The following WDPCP variants were observed in gnomAD, a reference collection of about 807,000 sequenced individuals.
WDPCP encodes WD repeat-containing and planar cell polarity effector protein fritz homolog.
A neutral mutation model predicts 93.1 loss-of-function variants in WDPCP; 71 were observed. The observed-to-expected ratio is 0.76, with a 90% CI of 0.63 to 0.93. WDPCP has a LOEUF of 0.93. Ranked by LOEUF, WDPCP falls within the 40% of genes least tolerant of loss-of-function variation. The probability of loss-of-function intolerance (pLI) is 0.00; values close to 1 mark genes in which losing one functional copy is unlikely to be tolerated. For synonymous variants in WDPCP, 315 were observed against 315.0 expected, an observed-to-expected ratio of 1.00 and a Z score of 0.00; for missense variants, 844 against 887.4, an observed-to-expected ratio of 0.95 and a Z score of 0.62.
chr2:63,231,776 A>G (rs532680447), intron 14 of WDPCP, among the ~76,000 whole-genome samples: 2 of 152,316 alleles, frequency 1.3e-5, no homozygotes, highest in South Asian at 4.1e-4. Flanking sequence ...TATAGATTCA[A>G]TGCCATCCCC....
At chr2:63,384,454 ATTATT>A (rs1692565988) in intron 10 of WDPCP, among the ~76,000 whole-genome samples, 2 of 152,278 alleles carry the variant, frequency 1.3e-5, no homozygotes, top group South Asian at 4.1e-4. Flanking sequence ...ATGGCTCTAT[ATTATT>A]TAAGTTTGAA....
At chr2:63,688,283 C>T (rs1382923214) in intron 2 of WDPCP, among the ~76,000 whole-genome samples, 1 of 151,910 alleles carries the variant, frequency 6.6e-6, no homozygotes, top group African/African-American at 2.4e-5. Flanking sequence ...AAAAATTAGC[C>T]GGGCGTGGTG....
intron 9 of WDPCP, among the ~76,000 whole-genome samples, chr2:63,423,881 C>T (rs1696051983): frequency 6.6e-6 from 1 of 152,064 alleles, no homozygotes; most frequent in Admixed American, 6.6e-5. Flanking sequence ...ACAGCCAGGA[C>T]GTACCTCTAC....
At chr2:63,177,398 T>G (rs1237735044) in intron 14 of WDPCP, among the ~76,000 whole-genome samples, 2 of 152,220 alleles carry the variant, frequency 1.3e-5, no homozygotes, top group Admixed American at 1.3e-4. Flanking sequence ...TTCAATTTAT[T>G]TGTGTCTTTA....
chr2:63,639,792 T>C (rs1709961162), intron 3 of WDPCP, among the ~76,000 whole-genome samples: 1 of 151,986 alleles, frequency 6.6e-6, no homozygotes, highest in African/African-American at 2.4e-5. Context: ...AAATAAAAAA[T>C]AGTGACAAAA....
At chr2:63,839,354 T>C in the WDPCP span, among the ~76,000 whole-genome samples, 1 of 152,090 alleles carries the variant, frequency 6.6e-6, no homozygotes, top group Non-Finnish European at 1.5e-5. Flanking sequence ...GGTCAGGGGT[T>C]TGAGACCAGC....
intron 2 of WDPCP, among the ~76,000 whole-genome samples, chr2:63,699,428 C>G (rs1669013004): frequency 6.6e-6 from 1 of 152,166 alleles, no homozygotes; most frequent in Admixed American, 6.5e-5. Flanking sequence ...CTAAAAAGAA[C>G]TATGTGATAA....
chr2:63,564,259 C>A (rs1055354603), intron 1 of WDPCP: 1 of 152,186 alleles, frequency 6.6e-6, no homozygotes, highest in Non-Finnish European at 1.5e-5. Context: ...CAAGTTCAGC[C>A]TGGTTAACTT....
chr2:63,281,830 G>A (rs1355940819), intron 13 of WDPCP, among the ~76,000 whole-genome samples: 3 of 152,142 alleles, frequency 2.0e-5, no homozygotes, highest in African/African-American at 7.2e-5. Flanking sequence ...AGAGAAAATG[G>A]TGGGGGTGCG....
chr2:63,422,249 G>T (rs956479218), intron 9 of WDPCP, among the ~76,000 whole-genome samples: 1 of 152,130 alleles, frequency 6.6e-6, no homozygotes, highest in African/African-American at 2.4e-5. Flanking sequence ...AGCTACCCAA[G>T]ACTGCTGAGG....
At chr2:63,298,887 G>A (rs984193081) in intron 13 of WDPCP, among the ~76,000 whole-genome samples, 1 of 152,172 alleles carries the variant, frequency 6.6e-6, no homozygotes, top group Non-Finnish European at 1.5e-5. Context: ...ATATCATAGT[G>A]GTAGTCCTCA....
At chr2:63,296,962 A>G (rs1684915489) in intron 13 of WDPCP, among the ~76,000 whole-genome samples, 1 of 152,210 alleles carries the variant, frequency 6.6e-6, no homozygotes, top group South Asian at 2.1e-4. Context: ...TATCGAATCA[A>G]AAAAGAGCCC....
At chr2:63,603,186 G>A (rs902707335) in intron 3 of WDPCP, among the ~76,000 whole-genome samples, 1 of 151,894 alleles carries the variant, frequency 6.6e-6, no homozygotes, top group East Asian at 1.9e-4. Flanking sequence ...TCTCCATCTC[G>A]ACCTCCTGAT....
intron 14 of WDPCP, among the ~76,000 whole-genome samples, chr2:63,200,381 T>C (rs1195308950): frequency 6.6e-6 from 1 of 152,158 alleles, no homozygotes; most frequent in Non-Finnish European, 1.5e-5. Flanking sequence ...CAAAGAGATA[T>C]CTGCACTCCC....
At chr2:63,419,438 C>T (rs1231507331) in intron 9 of WDPCP, among the ~76,000 whole-genome samples, 1 of 152,166 alleles carries the variant, frequency 6.6e-6, no homozygotes, top group East Asian at 1.9e-4. Context: ...CTGCGCCCGG[C>T]CCCTTAAGTG....
chr2:63,560,162 G>C (rs915325468), intron 1 of WDPCP, among the ~76,000 whole-genome samples: 3 of 152,096 alleles, frequency 2.0e-5, no homozygotes, highest in African/African-American at 7.2e-5. Context: ...GGTGGAACTT[G>C]CAGTGAGCCA....
chr2:63,319,133 T>A (rs1021604811), intron 12 of WDPCP, among the ~76,000 whole-genome samples: 1 of 152,226 alleles, frequency 6.6e-6, no homozygotes, highest in Admixed American at 6.5e-5. Flanking sequence ...CTCCAATTTG[T>A]CGATTTTTGT....
At chr2:63,573,763 C>T (rs975293910) in intron 1 of WDPCP, among the ~76,000 whole-genome samples, 4 of 152,166 alleles carry the variant, frequency 2.6e-5, no homozygotes, top group Non-Finnish European at 4.4e-5. Flanking sequence ...GAGCCATATT[C>T]CTCTTCTTTC....
At chr2:63,592,971 G>A (rs1318956173), upstream of WDPCP, among the ~76,000 whole-genome samples, 1 of 151,776 alleles carries the variant, frequency 6.6e-6, no homozygotes, top group South Asian at 2.1e-4. Context: ...AATGAAAAAC[G>A]TGTAGGCCAT....
Sources: allele counts gnomAD v4.1 joint callset (sites outside exome capture counted in the v4.1 genomes callset), GRCh38; gene constraint gnomAD v4.1.1; transcripts MANE v1.5; gene names NCBI Gene and HGNC (gene_info 2026-07-23, HGNC 2026-07-21).